MIS18A: variants seen among roughly 807,000 people sequenced by gnomAD.
The protein encoded by MIS18A is protein Mis18-alpha.
A neutral mutation model predicts 25.0 loss-of-function variants in MIS18A; 14 were observed. The observed-to-expected ratio is 0.56, with a 90% CI of 0.37 to 0.88. The LOEUF is 0.88. Among genes scored for constraint, MIS18A ranks in the 40% least tolerant of loss-of-function variants. MIS18A has a pLI of 0.00. For missense variants in MIS18A, 292 were observed against 290.8 expected (o/e 1.00, Z -0.03); for synonymous variants, 134 against 118.6 (o/e 1.13, Z -0.84).
chr21:32,260,290 G>A, the MIS18A span: 1 of 152,170 alleles, frequency 6.6e-6, no homozygotes, highest in Admixed American at 6.5e-5. Context: ...TGAAGTGGGA[G>A]AAATGACATC....
At chr21:32,266,378 C>G (rs1186206070), downstream of MIS18A, among the ~76,000 whole-genome samples, 1 of 152,200 alleles carries the variant, frequency 6.6e-6, no homozygotes, top group Non-Finnish European at 1.5e-5. Context: ...AGAATAAAAG[C>G]AGGCTGCCCG....
the MIS18A span, among the ~76,000 whole-genome samples, chr21:32,178,018 G>C: frequency 6.6e-6 from 1 of 151,862 alleles, no homozygotes; most frequent in African/African-American, 2.4e-5. Context: ...GGGCTCAAGA[G>C]AGCTTCCCTC....
In MIS18A at chr21:32,278,682, G is replaced by C. The variant is rs1221878243; in HGVS notation, c.333C>G (p.Arg111=). 3 of 1,547,964 alleles carry C rather than the reference G, an allele frequency of 1.9e-6. No homozygotes were observed. Among genetic ancestry groups the C allele is most frequent in the East Asian group, 4.6e-5 (2 of 43,248 alleles). The change falls in exon 1 of 5, where the codon CGC becomes CGG. Residue 111 remains arginine (R), a splice_region_variant and synonymous_variant. Transcript: ENST00000290130. ...SQEDTNCILL[R]CVSCNVSVDK... is the part of the protein sequence containing the mutation. The stretch of plus-strand genomic sequence containing the variant: ...CCTGCCCGGCTCGACCCAACTGACA[G>C]CGAAGCAGGATGCAGTTGGTGTCCT...
At chr21:32,196,725 A>G in the MIS18A span, among the ~76,000 whole-genome samples, 15 of 152,288 alleles carry the variant, frequency 9.8e-5, no homozygotes, top group East Asian at 2.3e-3. Flanking sequence ...AAGTGCTGGG[A>G]TTACAGGCAT....
the MIS18A span, among the ~76,000 whole-genome samples, chr21:32,253,115 G>A: frequency 1.2e-4 from 18 of 152,152 alleles, no homozygotes; most frequent in East Asian, 1.9e-4. Context: ...GGTGGGATGC[G>A]CTTTAGGGGG....
chr21:32,161,348 T>C, the MIS18A span, among the ~76,000 whole-genome samples: 1 of 152,226 alleles, frequency 6.6e-6, no homozygotes, highest in Non-Finnish European at 1.5e-5. Context: ...AAGAGCACTG[T>C]TTGGGTATTT....
At chr21:32,270,594 T>C (rs2031696398) in intron 2 of MIS18A, 65 bp from the exon 3 acceptor site, 1 of 1,455,772 alleles carries the variant, frequency 6.9e-7, no homozygotes, top group Admixed American at 2.6e-5. Context: ...AAAATCTCAC[T>C]GTTAAAATCC....
chr21:32,257,849 T>G, the MIS18A span, among the ~76,000 whole-genome samples: 1 of 152,202 alleles, frequency 6.6e-6, no homozygotes, highest in African/African-American at 2.4e-5. Flanking sequence ...CACGAGTATT[T>G]TTTTAATCTG....
At chr21:32,189,727 C>T in the MIS18A span, among the ~76,000 whole-genome samples, 1 of 152,144 alleles carries the variant, frequency 6.6e-6, no homozygotes, top group Non-Finnish European at 1.5e-5. Context: ...GGACTGAGCT[C>T]CAATACTGTC....
intron 2 of MIS18A, among the ~76,000 whole-genome samples, chr21:32,271,258 AATG>A (rs1216375926): frequency 2.0e-5 from 3 of 152,238 alleles, no homozygotes; most frequent in African/African-American, 7.2e-5. Context: ...CACATAGCAA[AATG>A]ATAACTAGAG....
At chr21:32,175,567 TG>T in the MIS18A span, among the ~76,000 whole-genome samples, 3 of 151,346 alleles carry the variant, frequency 2.0e-5, no homozygotes, top group Non-Finnish European at 4.4e-5. Context: ...CCCAGCACTT[TG>T]GGAGGTCGAG....
the MIS18A span, among the ~76,000 whole-genome samples, chr21:32,174,458 C>G: frequency 3.0e-4 from 45 of 152,182 alleles, no homozygotes; most frequent in African/African-American, 1.0e-3. Context: ...TAGATGAACA[C>G]TACCCATGGC....
the MIS18A span, among the ~76,000 whole-genome samples, chr21:32,201,698 G>A: frequency 4.6e-5 from 7 of 151,896 alleles, no homozygotes; most frequent in Non-Finnish European, 7.4e-5. Context: ...CTGTAGTCCC[G>A]GCTACTTGGG....
chr21:32,170,996 A>G, the MIS18A span, among the ~76,000 whole-genome samples: 1 of 152,182 alleles, frequency 6.6e-6, no homozygotes, highest in African/African-American at 2.4e-5. Flanking sequence ...AGCCTGATAA[A>G]GGGCATCTAG....
chr21:32,185,082 C>T, the MIS18A span, among the ~76,000 whole-genome samples: 1 of 152,138 alleles, frequency 6.6e-6, no homozygotes, highest in Non-Finnish European at 1.5e-5. Flanking sequence ...ATGTAAGTAC[C>T]CCAGCCCCTC....
the MIS18A span, among the ~76,000 whole-genome samples, chr21:32,237,352 A>C: frequency 2.0e-5 from 3 of 152,180 alleles, no homozygotes; most frequent in African/African-American, 7.2e-5. Flanking sequence ...AGCACAGCAT[A>C]ACTCAGCCTG....
At chr21:32,236,877 G>A in the MIS18A span, among the ~76,000 whole-genome samples, 1 of 152,160 alleles carries the variant, frequency 6.6e-6, no homozygotes, top group Non-Finnish European at 1.5e-5. Flanking sequence ...GAATGGATAT[G>A]GGGGTACAGT....
the MIS18A span, among the ~76,000 whole-genome samples, chr21:32,182,045 G>A: frequency 6.6e-6 from 1 of 152,176 alleles, no homozygotes; most frequent in Non-Finnish European, 1.5e-5. Context: ...TGCATAGTGA[G>A]GACTCAGTAA....
chr21:32,220,269 C>T, the MIS18A span, among the ~76,000 whole-genome samples: 47 of 152,322 alleles, frequency 3.1e-4, no homozygotes, highest in Non-Finnish European at 6.8e-4. Context: ...GACGAAGCTT[C>T]CAGAGGAAGG....
Sources: gnomAD v4.1 joint callset for allele counts (sites outside exome capture counted in the v4.1 genomes callset) on GRCh38, gnomAD v4.1.1 for gene constraint, MANE v1.5 for transcripts, NCBI Gene and HGNC (gene_info 2026-07-23, HGNC 2026-07-21) for gene names.